The following PPARG variants were observed in gnomAD, a reference collection of about 807,000 sequenced individuals.
PPARG encodes peroxisome proliferator activated receptor gamma, also known as peroxisome proliferator-activated receptor gamma.
Under a neutral mutation model 39.2 loss-of-function variants are expected in PPARG, and 17 were observed. The observed-to-expected ratio is 0.43, with a 90% CI of 0.30 to 0.65. PPARG has a LOEUF of 0.65. PPARG is among the 30% of genes least tolerant of loss of function. The pLI is 0.13. For missense variants in PPARG, 406 were observed against 585.9 expected (o/e 0.69, Z 3.17); for synonymous variants, 223 against 215.7 (o/e 1.03, Z -0.30).
chr3:12,333,185 AGTTCAGG>A (rs2047910826), intron 2 of PPARG, among the ~76,000 whole-genome samples: 1 of 152,222 alleles, frequency 6.6e-6, no homozygotes, highest in Non-Finnish European at 1.5e-5. Context: ...TTTTAAATGT[AGTTCAGG>A]GAGAAGGAAG....
At chr3:12,372,787 G>A (rs1056324747) in intron 2 of PPARG, among the ~76,000 whole-genome samples, 1 of 152,062 alleles carries the variant, frequency 6.6e-6, no homozygotes, top group Non-Finnish European at 1.5e-5. Flanking sequence ...TTGTATTTTT[G>A]TTGCACTACT....
intron 1 of PPARG, among the ~76,000 whole-genome samples, chr3:12,297,277 G>C (rs924616927): frequency 2.6e-5 from 4 of 152,298 alleles, no homozygotes; most frequent in Non-Finnish European, 5.9e-5. Context: ...TAAAAAATGT[G>C]TGTGAACTAT....
At chr3:12,337,747 G>A (rs1166504029) in intron 2 of PPARG, among the ~76,000 whole-genome samples, 2 of 151,316 alleles carry the variant, frequency 1.3e-5, no homozygotes, top group Non-Finnish European at 2.9e-5. Flanking sequence ...AACCAACTAT[G>A]GATCAAAAGT....
chr3:12,424,530 C>T (rs2051370995), intron 7 of PPARG, among the ~76,000 whole-genome samples: 1 of 152,202 alleles, frequency 6.6e-6, no homozygotes, highest in Non-Finnish European at 1.5e-5. Context: ...TGGGCTCTCA[C>T]AATGTGTGTT....
chr3:12,335,085 T>C (rs192157811), intron 2 of PPARG, among the ~76,000 whole-genome samples: 1 of 152,308 alleles, frequency 6.6e-6, no homozygotes, highest in African/African-American at 2.4e-5. Flanking sequence ...TTACTTGCAG[T>C]TTCAGATGGG....
At chr3:12,338,840 C>T (rs2048090842) in intron 2 of PPARG, among the ~76,000 whole-genome samples, 1 of 152,100 alleles carries the variant, frequency 6.6e-6, no homozygotes. Flanking sequence ...CCTTAGACAA[C>T]TAAAGTTGTG....
intron 3 of PPARG, 152 bp from the exon 4 acceptor site, chr3:12,381,170 G>C: frequency 1.3e-6 from 1 of 763,592 alleles, no homozygotes; most frequent in South Asian, 1.6e-5. Context: ...TCTTTTTCTT[G>C]CCTTAACTCC....
chr3:12,381,594 A>G, intron 4 of PPARG, 103 bp downstream of exon 4: 2 of 1,204,110 alleles, frequency 1.7e-6, no homozygotes, highest in African/African-American at 3.0e-5. Flanking sequence ...TTTTTTCTTC[A>G]TGGAAGAGTA....
At chr3:12,433,865 C>T (rs1288640345) in intron 7 of PPARG, 33 bp from the exon 8 acceptor site, 3 of 1,613,088 alleles carry the variant, frequency 1.9e-6, no homozygotes, top group Non-Finnish European at 2.5e-6. Context: ...TTGACTGAAC[C>T]CCCTGTTGTG....
At chr3:12,378,931 C>T (rs1575083018) in intron 2 of PPARG, among the ~76,000 whole-genome samples, 1 of 152,130 alleles carries the variant, frequency 6.6e-6, no homozygotes, top group South Asian at 2.1e-4. Context: ...ATAGTAAATA[C>T]GTATATTAAA....
intron 2 of PPARG, among the ~76,000 whole-genome samples, chr3:12,358,381 G>A (rs1195216657): frequency 3.9e-5 from 6 of 152,136 alleles, no homozygotes; most frequent in African/African-American, 7.2e-5. Context: ...TGCCAAACAC[G>A]TCAGTTCTGT....
At chr3:12,296,971 A>T (rs2046803771) in intron 1 of PPARG, among the ~76,000 whole-genome samples, 1 of 152,184 alleles carries the variant, frequency 6.6e-6, no homozygotes, top group Non-Finnish European at 1.5e-5. Flanking sequence ...AGAGATTTAC[A>T]CTCATATATA....
intron 2 of PPARG, among the ~76,000 whole-genome samples, chr3:12,350,690 A>G (rs1007694051): frequency 2.1e-4 from 32 of 152,280 alleles, no homozygotes; most frequent in African/African-American, 7.0e-4. Flanking sequence ...TCGCCAACCT[A>G]ACAGCGTAAG....
At chr3:12,370,039 C>G (rs75364007) in intron 2 of PPARG, among the ~76,000 whole-genome samples, 2,615 of 152,182 alleles carry the variant, frequency 0.017, 81 homozygotes, top group African/African-American at 0.059. Flanking sequence ...TTCCTGGTCC[C>G]ATCTTTTCTC....
At chr3:12,375,486 CTT>C (rs2049374810) in intron 2 of PPARG, among the ~76,000 whole-genome samples, 1 of 152,188 alleles carries the variant, frequency 6.6e-6, no homozygotes, top group African/African-American at 2.4e-5. Flanking sequence ...ATGCAGAAAA[CTT>C]TGCAATAGCA....
At chr3:12,351,388 A>G (rs2048481646) in intron 2 of PPARG, 1 of 609,684 alleles carries the variant, frequency 1.6e-6, no homozygotes, top group South Asian at 1.9e-5. Flanking sequence ...GCTGGCTCCT[A>G]ATAGGACAGT....
rs924441275 is a variant in PPARG, at chr3:12,408,117, T to G, written c.729+2036T>G. On this transcript the variant is annotated intron_variant, in intron 6 of 7. Transcript: ENST00000651735. ...CTAGCCCCTCAGTAGCATAGTACTTTAGGAAGCTAGTCTTTCCCACTTGCT... is the reference window on the plus strand; with the variant it reads ...CTAGCCCCTCAGTAGCATAGTACTTGAGGAAGCTAGTCTTTCCCACTTGCT... Among the ~76,000 whole-genome samples, 6 of 152,214 alleles carry G rather than the reference T, an allele frequency of 3.9e-5. No homozygotes were observed. The South Asian group carries it at 1.2e-3, about 32-fold the overall frequency.
At chr3:12,327,169 TGTTTGTACCCG>T (rs2125038091) in intron 2 of PPARG, among the ~76,000 whole-genome samples, 1 of 152,330 alleles carries the variant, frequency 6.6e-6, no homozygotes, top group Non-Finnish European at 1.5e-5. Context: ...GGAGACTGGA[TGTTTGTACCCG>T]GTTTGCTTCT....
At chr3:12,299,309 G>A (rs1284587975) in intron 1 of PPARG, among the ~76,000 whole-genome samples, 1 of 152,074 alleles carries the variant, frequency 6.6e-6, no homozygotes, top group East Asian at 1.9e-4. Context: ...TGGGAATGAC[G>A]GTGACTAAGA....
Sources: allele counts gnomAD v4.1 joint callset (sites outside exome capture counted in the v4.1 genomes callset), GRCh38; gene constraint gnomAD v4.1.1; transcripts MANE v1.5; gene names NCBI Gene and HGNC (gene_info 2026-07-23, HGNC 2026-07-21).